SCAPER: variants seen among roughly 807,000 people sequenced by gnomAD.
SCAPER encodes S-phase cyclin A associated protein in the ER.
SCAPER carries 98 observed loss-of-function variants against 182.2 expected under a neutral mutation model. That is an observed-to-expected ratio of 0.54 (90% CI 0.46 to 0.64). The LOEUF is 0.64. SCAPER is among the 30% of genes least tolerant of loss of function. The pLI, the probability that SCAPER is intolerant of heterozygous loss-of-function variation, is 0.00. For synonymous variants in SCAPER, 605 were observed against 564.6 expected, an observed-to-expected ratio of 1.07 and a Z score of -1.01; for missense variants, 1,432 against 1,690.0, an observed-to-expected ratio of 0.85 and a Z score of 2.68.
intron 24 of SCAPER, among the ~76,000 whole-genome samples, chr15:76,488,173 G>A (rs908268041): frequency 5.3e-5 from 8 of 151,872 alleles, no homozygotes; most frequent in Non-Finnish European, 1.0e-4. Flanking sequence ...AATACCTTCT[G>A]AATTTGTAAT....
At chr15:76,747,735 T>A (rs762389652) in intron 15 of SCAPER, among the ~76,000 whole-genome samples, 5 of 152,130 alleles carry the variant, frequency 3.3e-5, no homozygotes, top group Admixed American at 6.5e-5. Flanking sequence ...TCTTTCACGA[T>A]GTGATCTGCA....
intron 8 of SCAPER, among the ~76,000 whole-genome samples, chr15:76,781,935 T>C (rs1483685355): frequency 6.6e-6 from 1 of 152,124 alleles, no homozygotes; most frequent in Non-Finnish European, 1.5e-5. Flanking sequence ...TGCAAAAACA[T>C]ACCAAATGGT....
intron 24 of SCAPER, among the ~76,000 whole-genome samples, chr15:76,476,648 G>T (rs2050665808): frequency 1.9e-5 from 2 of 104,726 alleles, no homozygotes; most frequent in Admixed American, 1.6e-4. Context: ...TCACTATGTT[G>T]CCCAGGCTGG....
At chr15:76,618,943 C>T (rs976273041) in intron 22 of SCAPER, among the ~76,000 whole-genome samples, 6 of 152,192 alleles carry the variant, frequency 3.9e-5, no homozygotes, top group Admixed American at 6.5e-5. Context: ...CTCCCGGGTT[C>T]GAGCGATTCT....
chr15:76,589,811 A>G (rs1166895570), intron 22 of SCAPER, among the ~76,000 whole-genome samples: 1 of 152,124 alleles, frequency 6.6e-6, no homozygotes, highest in East Asian at 1.9e-4. Flanking sequence ...CCTGTGAGAC[A>G]AGTCAAAAAT....
intron 23 of SCAPER, among the ~76,000 whole-genome samples, chr15:76,532,549 C>A (rs2043769044): frequency 6.6e-6 from 1 of 152,104 alleles, no homozygotes; most frequent in Non-Finnish European, 1.5e-5. Context: ...AGTCTGCAGG[C>A]TAATGCTGAC....
At chr15:76,857,959 A>G in intron 3 of SCAPER, 80 bp from the exon 4 acceptor site, 1 of 993,488 alleles carries the variant, frequency 1.0e-6, no homozygotes. Context: ...TAATTAGATA[A>G]TGTAAACCTA....
intron 8 of SCAPER, among the ~76,000 whole-genome samples, chr15:76,790,289 G>C (rs1208511624): frequency 6.6e-6 from 1 of 151,618 alleles, no homozygotes; most frequent in Non-Finnish European, 1.5e-5. Context: ...TTCCTTGTTA[G>C]ATTTTGATAT....
chr15:76,693,115 G>A (rs2058468720), intron 20 of SCAPER, among the ~76,000 whole-genome samples: 2 of 151,920 alleles, frequency 1.3e-5, no homozygotes, highest in African/African-American at 2.4e-5. Context: ...ACAGTTACAG[G>A]TAAAACTGAG....
At chr15:76,398,045 C>A (rs2044205783) in intron 27 of SCAPER, among the ~76,000 whole-genome samples, 1 of 152,180 alleles carries the variant, frequency 6.6e-6, no homozygotes, top group Non-Finnish European at 1.5e-5. Context: ...TCTCAAAGTT[C>A]AGTTAAGGTA....
At chr15:76,402,482 A>G (rs1468995212) in intron 27 of SCAPER, among the ~76,000 whole-genome samples, 1 of 151,746 alleles carries the variant, frequency 6.6e-6, no homozygotes. Context: ...TTTTCCTTCC[A>G]CTTGTCTTGG....
Position 76,404,692 on chromosome 15 carries a change from G to A in SCAPER, c.3312-13C>T. ...GTTCACCACGTAGCTAGATATGGGG[G>A]AGAAATGCATGTTATCAATCTGAAT... On this transcript the variant is annotated splice_polypyrimidine_tract_variant and intron_variant, in intron 26 of 31. Coordinates refer to ENST00000563290, the MANE Select transcript of SCAPER (RefSeq NM_020843.4). 1 of 1,605,872 alleles carries A rather than the reference G, an allele frequency of 6.2e-7. No homozygotes were observed. The highest frequency in any genetic ancestry group is 8.5e-7 in the Non-Finnish European group (1 of 1,176,354).
intron 24 of SCAPER, among the ~76,000 whole-genome samples, chr15:76,473,681 G>A (rs1255235580): frequency 1.3e-5 from 2 of 152,074 alleles, no homozygotes; most frequent in Non-Finnish European, 1.5e-5. Flanking sequence ...GCAGCTCTGG[G>A]GATTTTAACA....
chr15:76,377,454 A>G (rs1403151201), intron 28 of SCAPER, among the ~76,000 whole-genome samples: 1 of 152,190 alleles, frequency 6.6e-6, no homozygotes, highest in African/African-American at 2.4e-5. Context: ...ACCTTCACTG[A>G]TAAGAGCAGG....
chr15:76,887,343 G>A (rs1250608449), intron 1 of SCAPER, among the ~76,000 whole-genome samples: 1 of 152,168 alleles, frequency 6.6e-6, no homozygotes, highest in Non-Finnish European at 1.5e-5. Context: ...GCCAAAGCAG[G>A]CCGGGGCATC....
intron 28 of SCAPER, chr15:76,381,088 AAACATGT>A (rs1331470676): frequency 5.9e-6 from 1 of 170,330 alleles, no homozygotes; most frequent in Non-Finnish European, 1.2e-5. Context: ...CCTGGTTCAC[AAACATGT>A]AACCTTGGGC....
intron 4 of SCAPER, among the ~76,000 whole-genome samples, chr15:76,842,235 A>C (rs1181596120): frequency 6.6e-6 from 1 of 152,176 alleles, no homozygotes; most frequent in African/African-American, 2.4e-5. Flanking sequence ...GAACATCCAA[A>C]CATTCTGATA....
intron 16 of SCAPER, among the ~76,000 whole-genome samples, chr15:76,732,587 G>A (rs2060981296): frequency 6.6e-6 from 1 of 152,062 alleles, no homozygotes; most frequent in Non-Finnish European, 1.5e-5. Context: ...TCTAGCGGTA[G>A]CATCAGTGTC....
chr15:76,366,895 C>T (rs920695101), intron 29 of SCAPER, among the ~76,000 whole-genome samples: 3 of 152,204 alleles, frequency 2.0e-5, no homozygotes, highest in South Asian at 2.1e-4. Context: ...TCCAAAGTCC[C>T]CTTGGCAGCT....
Sources: gnomAD v4.1 joint callset for allele counts (sites outside exome capture counted in the v4.1 genomes callset) on GRCh38, gnomAD v4.1.1 for gene constraint, MANE v1.5 for transcripts, NCBI Gene and HGNC (gene_info 2026-07-23, HGNC 2026-07-21) for gene names.